SLCO4C1: variants seen among roughly 807,000 people sequenced by gnomAD.
SLCO4C1 encodes the protein solute carrier organic anion transporter family member 4C1.
In SLCO4C1, 58 loss-of-function variants were observed where a neutral mutation model predicts 72.1. The ratio of observed to expected loss-of-function variants is 0.80; its 90% CI spans 0.65 to 1.00. SLCO4C1 has a LOEUF of 1.00. Among genes scored for constraint, SLCO4C1 ranks in the 50% least tolerant of loss-of-function variants. SLCO4C1 has a pLI of 0.00. For synonymous variants in SLCO4C1, 297 were observed against 312.5 expected, an observed-to-expected ratio of 0.95 and a Z score of 0.52; for missense variants, 898 against 857.9, an observed-to-expected ratio of 1.05 and a Z score of -0.58.
At chr5:102,291,784 GC>G (rs759665256) in intron 1 of SLCO4C1, among the ~76,000 whole-genome samples, 178 bp from the exon 2 acceptor site, 4 of 151,184 alleles carry the variant, frequency 2.6e-5, no homozygotes, top group Non-Finnish European at 5.9e-5. Flanking sequence ...AAATCAGTTT[GC>G]TTTTTATTTT....
At chr5:102,254,585 G>A (rs958429891) in intron 8 of SLCO4C1, among the ~76,000 whole-genome samples, 37 of 151,920 alleles carry the variant, frequency 2.4e-4, no homozygotes, top group African/African-American at 8.7e-4. Context: ...CCAACCTTTG[G>A]CAACCACCAC....
chr5:102,241,844 T>TCTACA (rs1269594199), intron 10 of SLCO4C1, among the ~76,000 whole-genome samples: 2 of 147,246 alleles, frequency 1.4e-5, no homozygotes, highest in Non-Finnish European at 1.5e-5. Flanking sequence ...TTAATAATTA[T>TCTACA]CTACACAGAA....
chr5:102,283,792 A>C (rs1396914415), intron 2 of SLCO4C1, among the ~76,000 whole-genome samples: 2 of 152,072 alleles, frequency 1.3e-5, no homozygotes, highest in African/African-American at 4.8e-5. Context: ...GAAGACAGTA[A>C]GAGTAGGTAA....
chr5:102,291,468 A>G lies in SLCO4C1; in HGVS notation c.494T>C (p.Phe165Ser). Residue 165 changes from phenylalanine to serine, a missense_variant, in exon 2 of 13, where the codon TTT becomes TCT. Transcript: ENST00000310954. Reference sequence around the variant, plus strand: ...TCTCGGCTTATGTCCTCTTTCACCAAAGAATGATACAAATAAAGACAACAA... The same window carrying G: ...TCTCGGCTTATGTCCTCTTTCACCAGAGAATGATACAAATAAAGACAACAA... ...FCLLSLFVSF[F>S]GERGHKPRWL... The G allele has an allele frequency of 6.2e-7, 1 of 1,614,174 alleles. No individual in the cohort carries two copies.
chr5:102,238,194 G>A (rs1239293011), intron 12 of SLCO4C1, among the ~76,000 whole-genome samples: 1 of 151,992 alleles, frequency 6.6e-6, no homozygotes, highest in Non-Finnish European at 1.5e-5. Context: ...TTTGTGGGGG[G>A]ATTCCCATTC....
At chr5:102,289,746 AGTGC>A (rs1472369778) in intron 2 of SLCO4C1, among the ~76,000 whole-genome samples, 1 of 152,182 alleles carries the variant, frequency 6.6e-6, no homozygotes, top group African/African-American at 2.4e-5. Flanking sequence ...AATCTATGTA[AGTGC>A]TCTCTCTGCT....
chr5:102,235,103 G>C lies in SLCO4C1; in HGVS notation c.*1755C>G, dbSNP rs923245600. On this transcript the variant is annotated 3_prime_UTR_variant, in exon 13 of 13. Transcript: ENST00000310954. ...CCCTAACTCCTCATTCCTTCTCCTT[G>C]AATTTCACTTTACAATTGCGCTAGG... The C allele has an allele frequency of 2.0e-5, 3 of 151,956 alleles. No homozygotes were observed. Among genetic ancestry groups the C allele is most frequent in the African/African-American group, 7.3e-5 (3 of 41,370 alleles). 9.4% of individuals were successfully genotyped at this position (151,956 alleles called of 1,614,324 possible). A position where few individuals can be genotyped will look rare whatever the true frequency, so the allele number is the denominator to read the frequency against.
At position 102,252,428 on chromosome 5, in the gene SLCO4C1, C is replaced by A. The variant is rs576893875; in HGVS notation, c.1470-2640G>T. ...AGTCTCATCTTATTCAAATCTATTC[C>A]ACAGATGCTGCCAGATTTATCTTTA... is the stretch of plus-strand genomic sequence containing the variant. On this transcript the variant is annotated intron_variant, in intron 8 of 12. Coordinates refer to ENST00000310954, the MANE Select transcript of SLCO4C1 (RefSeq NM_180991.5). Among the ~76,000 whole-genome samples the A allele has an allele frequency of 1.2e-4, 19 of 152,170 alleles. No individual in the cohort carries two copies. In the South Asian group the frequency reaches 4.0e-3, roughly 32 times the overall value.
At chr5:102,243,247 C>G (rs1748579083) in intron 10 of SLCO4C1, among the ~76,000 whole-genome samples, 1 of 152,204 alleles carries the variant, frequency 6.6e-6, no homozygotes, top group South Asian at 2.1e-4. Flanking sequence ...GGTGGCACTT[C>G]TAGACCCACC....
intron 10 of SLCO4C1, among the ~76,000 whole-genome samples, chr5:102,246,125 GA>G (rs1036492591): frequency 1.3e-4 from 19 of 151,620 alleles, no homozygotes; most frequent in African/African-American, 4.4e-4. Context: ...TAAAGAATTA[GA>G]AAAACAAGAA....
intron 8 of SLCO4C1, among the ~76,000 whole-genome samples, chr5:102,254,841 G>A (rs1234190474): frequency 6.6e-6 from 1 of 152,048 alleles, no homozygotes; most frequent in Admixed American, 6.6e-5. Context: ...GTTGCTTATT[G>A]CAATATATGC....
In SLCO4C1 at chr5:102,257,166, T is replaced by C; in HGVS notation, c.1418A>G (p.Tyr473Cys). The change falls in exon 8 of 13, where the codon TAT (tyrosine) becomes TGT (cysteine). Residue 473 changes from tyrosine (Y) to cysteine (C), a missense_variant. By Grantham distance (194) the Tyr-to-Cys change is radical (BLOSUM62 -2). Transcript: ENST00000310954. ...AAATGGCTCATTTTCACATTTGGCA[T>C]ACATAAATACAAAACTCAGCGTAAG... ...VALTLSFVFM[Y>C]AKCENEPFAG... 1 of 1,603,840 alleles carries C rather than the reference T, an allele frequency of 6.2e-7. No individual in the cohort carries two copies. The highest frequency in any genetic ancestry group is 8.5e-7 in the Non-Finnish European group (1 of 1,176,074).
chr5:102,261,205 G>T (rs1379072056), intron 5 of SLCO4C1, among the ~76,000 whole-genome samples: 1 of 152,156 alleles, frequency 6.6e-6, no homozygotes, highest in African/African-American at 2.4e-5. Flanking sequence ...CTGAGGTCAG[G>T]AGTTCGAGAC....
intron 8 of SLCO4C1, 77 bp downstream of exon 8, chr5:102,257,038 T>A (rs174414): frequency 8.2e-7 from 1 of 1,218,300 alleles, no homozygotes; most frequent in South Asian, 2.9e-5. Flanking sequence ...TTTCTCACCA[T>A]TTAAGAAAAC....
Position 102,239,305 on chromosome 5 carries a change from C to T in SLCO4C1, c.1960G>A (p.Gly654Arg), listed in dbSNP as rs761404994. The change falls in exon 12 of 13, where the codon GGA becomes AGA. Residue 654 changes from glycine to arginine, a missense_variant. By Grantham distance (125) the Gly-to-Arg change is moderately radical. Coordinates refer to ENST00000310954, the MANE Select transcript of SLCO4C1 (RefSeq NM_180991.5). Reference protein sequence around the residue: ...LWDINDCGIKGACWIYDNIKM... With the variant: ...LWDINDCGIKRACWIYDNIKM... ...ATGTTATCATAAATCCAGCAAGCTC[C>T]TTTAATTCCACAATCATTTATATCC... The T allele has an allele frequency of 1.0e-5, 16 of 1,601,606 alleles. No homozygotes were observed. The South Asian group carries it at 1.6e-4, about 16-fold the overall frequency.
intron 10 of SLCO4C1, among the ~76,000 whole-genome samples, chr5:102,245,330 C>T (rs1415326515): frequency 6.6e-6 from 1 of 151,786 alleles, no homozygotes; most frequent in African/African-American, 2.4e-5. Context: ...CACACATAGA[C>T]TGAAAATAAA....
At chr5:102,280,481 A>T (rs1217896089) in intron 2 of SLCO4C1, among the ~76,000 whole-genome samples, 1 of 152,130 alleles carries the variant, frequency 6.6e-6, no homozygotes, top group Non-Finnish European at 1.5e-5. Context: ...ATGGAGTATA[A>T]ATCCATATAT....
chr5:102,242,778 G>T (rs910082735), intron 10 of SLCO4C1, among the ~76,000 whole-genome samples: 14 of 152,152 alleles, frequency 9.2e-5, no homozygotes, highest in Admixed American at 6.5e-5. Context: ...CACATTACCA[G>T]CTTGGTGGCT....
Position 102,265,809 on chromosome 5 carries a change from G to A in SLCO4C1, c.803-2029C>T, listed in dbSNP as rs554355302. Among the ~76,000 whole-genome samples the A allele has an allele frequency of 1.2e-3, 179 of 152,094 alleles. 1 individual carries two copies. The highest frequency in any genetic ancestry group is 6.8e-3 in the Middle Eastern group (2 of 294). On this transcript the variant is annotated intron_variant, in intron 3 of 12. Coordinates refer to ENST00000310954, the MANE Select transcript of SLCO4C1 (RefSeq NM_180991.5). ...GCTATTTGGCATCTTTTCTAGTTCC[G>A]TATGAATTTTAGGACTGTTTTTCCA...
Sources: allele counts gnomAD v4.1 joint callset (sites outside exome capture counted in the v4.1 genomes callset), GRCh38; gene constraint gnomAD v4.1.1; transcripts MANE v1.5; gene names NCBI Gene and HGNC (gene_info 2026-07-23, HGNC 2026-07-21).